Variants in FKBP5 observed in about 807,000 individuals in gnomAD.
FKBP5 encodes FKBP prolyl isomerase 5.
Under a neutral mutation model 50.5 loss-of-function variants are expected in FKBP5, and 23 were observed. That is an observed-to-expected ratio of 0.46 (90% confidence interval 0.33 to 0.65). FKBP5 has a LOEUF of 0.65. Among genes scored for constraint, FKBP5 ranks in the 30% least tolerant of loss-of-function variants. The pLI, the probability that FKBP5 is intolerant of heterozygous loss-of-function variation, is 0.02. For synonymous variants in FKBP5, 176 were observed against 190.6 expected (o/e 0.92, Z 0.63); for missense variants, 411 against 553.1 (o/e 0.74, Z 2.58).
intron 3 of FKBP5, among the ~76,000 whole-genome samples, chr6:35,620,576 A>C (rs985916360): frequency 1.3e-5 from 2 of 151,592 alleles, no homozygotes; most frequent in African/African-American, 2.4e-5. Context: ...AAAAAAAAAA[A>C]AAACACCCCA....
intron 2 of FKBP5, among the ~76,000 whole-genome samples, chr6:35,695,295 C>T (rs1480413144): frequency 6.6e-6 from 1 of 152,168 alleles, no homozygotes. Flanking sequence ...TCCCAAGTAG[C>T]TGAAATTACA....
At chr6:35,602,823 A>G (rs780919682) in intron 5 of FKBP5, among the ~76,000 whole-genome samples, 1 of 152,210 alleles carries the variant, frequency 6.6e-6, no homozygotes, top group African/African-American at 2.4e-5. Context: ...GGAACTGAAT[A>G]ACATTTATGC....
At chr6:35,655,502 C>A (rs544893966) in intron 1 of FKBP5, among the ~76,000 whole-genome samples, 1 of 152,198 alleles carries the variant, frequency 6.6e-6, no homozygotes, top group East Asian at 1.9e-4. Flanking sequence ...TAGGAACGAG[C>A]CAACAAGGTA....
chr6:35,585,256 A>ACGATCTTAAGAAATTTTGTAGAAACAT, intron 8 of FKBP5: 1 of 980,888 alleles, frequency 1.0e-6, no homozygotes, highest in Non-Finnish European at 1.2e-6. Flanking sequence ...TTAAGGACTC[A>ACGATCTTAAGAAATTTTGTAGAAACAT]CGATCTTAAG....
chr6:35,588,433 A>T (rs1762682896), intron 7 of FKBP5, among the ~76,000 whole-genome samples: 1 of 152,190 alleles, frequency 6.6e-6, no homozygotes, highest in Non-Finnish European at 1.5e-5. Context: ...TTATGGTTCA[A>T]TTCCAGGTTT....
chr6:35,640,273 G>C (rs910813622), intron 2 of FKBP5, among the ~76,000 whole-genome samples: 2 of 152,198 alleles, frequency 1.3e-5, no homozygotes, highest in Non-Finnish European at 2.9e-5. Flanking sequence ...CTGCTCCAAG[G>C]CTACAAACCT....
intron 5 of FKBP5, among the ~76,000 whole-genome samples, chr6:35,612,732 C>A (rs1285051936): frequency 2.0e-5 from 3 of 152,220 alleles, no homozygotes; most frequent in Non-Finnish European, 4.4e-5. Context: ...CCCTGCCAGA[C>A]CCTTATAAAA....
At chr6:35,590,004 T>C (rs1762762734) in intron 7 of FKBP5, among the ~76,000 whole-genome samples, 1 of 152,212 alleles carries the variant, frequency 6.6e-6, no homozygotes, top group Non-Finnish European at 1.5e-5. Flanking sequence ...TTTATATTAA[T>C]GTGCTTAATG....
intron 2 of FKBP5, 38 bp from the exon 3 acceptor site, chr6:35,637,196 T>G (rs781252963): frequency 1.0e-5 from 16 of 1,583,790 alleles, no homozygotes; most frequent in South Asian, 2.3e-5. Flanking sequence ...GAGGTCAAAC[T>G]TTTTACTTGT....
At chr6:35,584,867 G>C in intron 8 of FKBP5, 1 of 985,334 alleles carries the variant, frequency 1.0e-6, no homozygotes, top group Non-Finnish European at 1.2e-6. Context: ...ATTTTAAGTA[G>C]GTTCATAATA....
chr6:35,727,564 G>C (rs1004531941), intron 1 of FKBP5, among the ~76,000 whole-genome samples: 2 of 152,204 alleles, frequency 1.3e-5, no homozygotes, highest in African/African-American at 4.8e-5. Context: ...AATCCCTGGA[G>C]TCTCCGTGTT....
At chr6:35,637,523 G>A (rs1561870219) in intron 2 of FKBP5, among the ~76,000 whole-genome samples, 1 of 143,390 alleles carries the variant, frequency 7.0e-6, no homozygotes, top group Non-Finnish European at 1.5e-5. Flanking sequence ...GAGTGCAATG[G>A]CACGATCTCG....
In FKBP5 at chr6:35,597,417, A is replaced by G. The variant is rs1279297418; in HGVS notation, c.509-13T>C. ...CCTTCCAGGTGGACTGAGGGCAAGG[A>G]GACAGGAGAGTCAACAGAGCTGCTT... On this transcript the variant is annotated splice_polypyrimidine_tract_variant and intron_variant, in intron 5 of 10. Coordinates refer to ENST00000357266, the MANE Select transcript of FKBP5 (RefSeq NM_004117.4). The G allele has an allele frequency of 6.2e-7, 1 of 1,610,114 alleles. No homozygotes were observed. The highest frequency in any genetic ancestry group is 8.5e-7 in the Non-Finnish European group (1 of 1,178,690).
intron 8 of FKBP5, chr6:35,583,224 CCT>C: frequency 1.0e-6 from 1 of 985,386 alleles, no homozygotes; most frequent in Non-Finnish European, 1.2e-6. Flanking sequence ...ATTTCTTCAT[CCT>C]CTCTCCTCCT....
intron 5 of FKBP5, among the ~76,000 whole-genome samples, chr6:35,614,045 G>T (rs1364241280): frequency 6.6e-6 from 1 of 152,106 alleles, no homozygotes; most frequent in Non-Finnish European, 1.5e-5. Context: ...AGAGGCATGT[G>T]CCATCACATG....
At chr6:35,645,852 C>T (rs1326792202) in intron 1 of FKBP5, among the ~76,000 whole-genome samples, 7 of 152,194 alleles carry the variant, frequency 4.6e-5, no homozygotes, top group East Asian at 1.9e-4. Flanking sequence ...CAGTGGCTTA[C>T]GCCTGTAATC....
intron 3 of FKBP5, among the ~76,000 whole-genome samples, chr6:35,634,771 A>G (rs1383955729): frequency 1.3e-5 from 2 of 152,200 alleles, no homozygotes; most frequent in Non-Finnish European, 2.9e-5. Flanking sequence ...GCAGACAAGA[A>G]TAAAAGATGT....
intron 5 of FKBP5, among the ~76,000 whole-genome samples, chr6:35,604,117 C>A (rs535638747): frequency 2.0e-5 from 3 of 150,606 alleles, no homozygotes; most frequent in South Asian, 2.1e-4. Flanking sequence ...AAGCTACTCT[C>A]CTTCCTCAGC....
rs564692876 is a variant in FKBP5 at position 35,627,474 on chromosome 6, G to A, written c.251-7200C>T. ...CATTTTTAAATTGGGCTATTTTGTT[G>A]TTTTTGTTGAGTTATAGGAGTTGTT... is the stretch of plus-strand genomic sequence containing the variant. On this transcript the variant is annotated intron_variant, in intron 3 of 10. Coordinates refer to ENST00000357266, the MANE Select transcript of FKBP5 (RefSeq NM_004117.4). 6.6e-5 allele frequency among the ~76,000 whole-genome samples: 10 copies of A among 152,072 alleles called. No homozygotes were observed. In the East Asian group the frequency reaches 1.9e-3, roughly 29 times the overall value.
Sources: allele counts gnomAD v4.1 joint callset (sites outside exome capture counted in the v4.1 genomes callset), GRCh38; gene constraint gnomAD v4.1.1; transcripts MANE v1.5; gene names NCBI Gene and HGNC (gene_info 2026-07-23, HGNC 2026-07-21).